Variants in EGR4 observed in about 807,000 individuals in gnomAD.
EGR4 encodes the protein early growth response 4.
In EGR4, 22 loss-of-function variants were observed where a neutral mutation model predicts 25.4. The ratio of observed to expected loss-of-function variants is 0.87; its 90% CI spans 0.62 to 1.24. EGR4 has a LOEUF of 1.24. Among genes scored for constraint, EGR4 ranks in the 50% most tolerant of loss-of-function variants. The probability of loss-of-function intolerance (pLI) is 0.00; values close to 1 mark genes in which losing one functional copy is unlikely to be tolerated. For missense variants in EGR4, 742 were observed against 702.9 expected (o/e 1.06, Z -0.63); for synonymous variants, 375 against 320.1 (o/e 1.17, Z -1.83).
At chr2:73,293,050 C>A in intron 1 of EGR4, 132 bp downstream of exon 1, 2 of 1,029,494 alleles carry the variant, frequency 1.9e-6, no homozygotes. Context: ...GGGGTGCGCA[C>A]CCCAGGACTC....
rs1328432413 is a variant in EGR4 at position 73,291,927 on chromosome 2, C to G, written c.991G>C (p.Asp331His). Residue 331 changes from aspartate (D) to histidine (H), a missense_variant, in exon 2 of 2, where the codon GAC (aspartate) becomes CAC (histidine). By Grantham distance (81) the Asp-to-His change is moderately conservative (BLOSUM62 -1). Coordinates refer to ENST00000436467, the MANE Select transcript of EGR4 (RefSeq NM_001965.4). ...GCCACGCCACTGCTTCCAGGGATGT[C>G]CGCCACCAGAGGTTTAGGGAAGTCC... Reference protein sequence around the residue: ...AADFPKPLVADIPGSSGVAAP... With the variant: ...AADFPKPLVAHIPGSSGVAAP... The G allele has an allele frequency of 6.3e-7, 1 of 1,579,816 alleles. No homozygotes were observed. The highest frequency in any genetic ancestry group is 8.6e-7 in the Non-Finnish European group (1 of 1,164,064).
chr2:73,292,501 C>T lies in EGR4; in HGVS notation c.417G>A (p.Pro139=). The T allele has an allele frequency of 6.6e-7, 1 of 1,516,392 alleles. No individual in the cohort carries two copies. The allele number at this position is 1,516,392 out of a possible 1,614,324, so 93.9% of individuals were successfully genotyped here. ...CCGGGGAGTAAAGGTCCGGCGGACC[C>T]GGCAGCAAGGCATCGGACCCCGCAG... ...PFPAGSDALL[P]GPPDLYSPDL... The change falls in exon 2 of 2, where the codon CCG becomes CCA. Residue 139 remains proline, a synonymous_variant. Coordinates refer to ENST00000436467, the MANE Select transcript of EGR4 (RefSeq NM_001965.4).
rs962761527 is a variant in EGR4, at chr2:73,291,369, A to T, written c.*88T>A. On this transcript the variant is annotated 3_prime_UTR_variant, in exon 2 of 2. Coordinates refer to ENST00000436467, the MANE Select transcript of EGR4 (RefSeq NM_001965.4). ...GAGGCCGGCCCTCGGGCGTGCGAGG[A>T]GGAGTTGGAAGAAGAGCGGGGAGGG... The T allele has an allele frequency of 6.7e-7, 1 of 1,501,404 alleles. No homozygotes were observed. The highest frequency in any genetic ancestry group is 1.4e-5 in the African/African-American group (1 of 71,244). The allele number at this position is 1,501,404 out of a possible 1,614,324, so 93.0% of individuals were successfully genotyped here.
At position 73,293,234 on chromosome 2, in the gene EGR4, T is replaced by C; in HGVS notation, c.84A>G (p.Glu28=). 6.4e-7 allele frequency: 1 copy of C among 1,571,566 alleles called. No individual in the cohort carries two copies. Among genetic ancestry groups the C allele is most frequent in the Non-Finnish European group, 8.6e-7 (1 of 1,160,618 alleles). ...TEGCCAEPSA[E]LPRLPARDAP... ...CGTCCCTGGCAGGCAGCCGGGGCAA[T>C]TCAGCGCTGGGTTCGGCGCAACAGC... Residue 28 remains glutamate (E), a synonymous_variant, in exon 1 of 2, where the codon GAA becomes GAG. Coordinates refer to ENST00000436467, the MANE Select transcript of EGR4 (RefSeq NM_001965.4).
chr2:73,292,726 G>T lies in EGR4; in HGVS notation c.192C>A (p.Ala64=). The stretch of plus-strand genomic sequence containing the variant: ...CAGGCCCCTCCAGGAAGCAGGAGTC[G>T]GCTAAGTCCCCACTTGCGCCGCAGC... ...LNSCGASGDL[A]DSCFLEGPAP... is the part of the protein sequence containing the mutation. Residue 64 remains alanine (A), a synonymous_variant, in exon 2 of 2, where the codon GCC becomes GCA. Coordinates refer to ENST00000436467, the MANE Select transcript of EGR4 (RefSeq NM_001965.4). 1 of 1,481,950 alleles carries T rather than the reference G, an allele frequency of 6.7e-7. No homozygotes were observed. 91.8% of individuals were successfully genotyped at this position (1,481,950 alleles called of 1,614,324 possible).
rs1171826701 is a variant in EGR4, at chr2:73,293,299, ACTCG to A, written c.15_18del (p.Glu6PhefsTer44). Reference sequence around the variant, plus strand: ...ACGAGGAGCGCGTCGGGTTCGGAAAACTCGCTAAGGTGGAGCATGGCGCGGCGCC... The same window carrying A: ...ACGAGGAGCGCGTCGGGTTCGGAAAACTAAGGTGGAGCATGGCGCGGCGCC... On this transcript the variant is annotated frameshift_variant, in exon 1 of 2. Coordinates refer to ENST00000436467, the MANE Select transcript of EGR4 (RefSeq NM_001965.4). LOFTEE classifies it high-confidence loss of function. 5 of 1,587,682 alleles carry A rather than the reference ACTCG, an allele frequency of 3.1e-6. No homozygotes were observed. The highest frequency in any genetic ancestry group is 4.3e-6 in the Non-Finnish European group (5 of 1,169,712).
At position 73,291,819 on chromosome 2, in the gene EGR4, T is replaced by C; in HGVS notation, c.1099A>G (p.Ser367Gly). ...GGCCGCGGGCAGAAGCAGCGCGTGCTGCATTTGCCGCCGCGGCGCCCCTTG... is the reference window on the plus strand; with the variant it reads ...GGCCGCGGGCAGAAGCAGCGCGTGCCGCATTTGCCGCCGCGGCGCCCCTTG... ...RRKGRRGGKCSTRCFCPRPHA... is the reference protein window; with the variant it reads ...RRKGRRGGKCGTRCFCPRPHA... Residue 367 changes from serine (S) to glycine (G), a missense_variant, in exon 2 of 2, where the codon AGC becomes GGC. By Grantham distance (56) the Ser-to-Gly change is moderately conservative (BLOSUM62 0). Transcript: ENST00000436467. 6.3e-7 allele frequency: 1 copy of C among 1,589,684 alleles called. No individual in the cohort carries two copies. Among genetic ancestry groups the C allele is most frequent in the African/African-American group, 1.3e-5 (1 of 74,496 alleles).
Position 73,293,534 on chromosome 2 carries a change from A to T in EGR4, c.-217T>A. 9 of 1,504,200 alleles carry T rather than the reference A, an allele frequency of 6.0e-6. No homozygotes were observed. The highest frequency in any genetic ancestry group is 7.9e-6 in the Non-Finnish European group (9 of 1,132,714). The allele number at this position is 1,504,200 out of a possible 1,614,324, so 93.2% of individuals were successfully genotyped here. On this transcript the variant is annotated 5_prime_UTR_variant, in exon 1 of 2. Transcript: ENST00000436467. ...GGGCGGCGGCTCCTCGCCTCTCCAAAGCGCTGCCGGGCTCCCCCAGCCCAC... is the reference window on the plus strand; with the variant it reads ...GGGCGGCGGCTCCTCGCCTCTCCAATGCGCTGCCGGGCTCCCCCAGCCCAC...
Position 73,291,313 on chromosome 2 carries a change from G to T in EGR4, c.*144C>A. 4.3e-6 allele frequency: 5 copies of T among 1,150,912 alleles called. No individual in the cohort carries two copies. The highest frequency in any genetic ancestry group is 6.0e-6 in the Non-Finnish European group (5 of 829,222). The allele number at this position is 1,150,912 out of a possible 1,614,324, so 71.3% of individuals were successfully genotyped here. Reference sequence around the variant, plus strand: ...TGGTGCTGAATAGGGCGTGTGCGGCGGGCGCTTCAAGGAAACTGGAAGCGG... The same window carrying T: ...TGGTGCTGAATAGGGCGTGTGCGGCTGGCGCTTCAAGGAAACTGGAAGCGG... On this transcript the variant is annotated 3_prime_UTR_variant, in exon 2 of 2. Coordinates refer to ENST00000436467, the MANE Select transcript of EGR4 (RefSeq NM_001965.4).
chr2:73,293,414 C>CACT lies in EGR4; in HGVS notation c.-98_-97insAGT. The CACT allele has an allele frequency of 6.6e-7, 1 of 1,520,626 alleles. No individual in the cohort carries two copies. The highest frequency in any genetic ancestry group is 1.2e-5 in the South Asian group (1 of 80,700). The allele number at this position is 1,520,626 out of a possible 1,614,324, so 94.2% of individuals were successfully genotyped here. Reference sequence around the variant, plus strand: ...CTGGCGGTAGGGGTTCCCCGCAGCGCACAGACCTAGGCGCCCGGGCTCCTG... The same window carrying CACT: ...CTGGCGGTAGGGGTTCCCCGCAGCGCACTACAGACCTAGGCGCCCGGGCTCCTG... On this transcript the variant is annotated 5_prime_UTR_variant, in exon 1 of 2. Coordinates refer to ENST00000436467, the MANE Select transcript of EGR4 (RefSeq NM_001965.4).
At chr2:73,292,874 TAC>T (rs1689140073) in intron 1 of EGR4, 93 bp from the exon 2 acceptor site, 1 of 1,296,922 alleles carries the variant, frequency 7.7e-7, no homozygotes, top group Admixed American at 3.7e-5. Flanking sequence ...CCCACGGATA[TAC>T]ACAAAGTGCC....
Position 73,293,401 on chromosome 2 carries a change from G to T in EGR4, c.-84C>A. On this transcript the variant is annotated 5_prime_UTR_variant, in exon 1 of 2. Transcript: ENST00000436467. Reference sequence around the variant, plus strand: ...GGTGGCGGGGAGGCTGGCGGTAGGGGTTCCCCGCAGCGCACAGACCTAGGC... The same window carrying T: ...GGTGGCGGGGAGGCTGGCGGTAGGGTTTCCCCGCAGCGCACAGACCTAGGC... 2.6e-6 allele frequency: 4 copies of T among 1,510,764 alleles called. No homozygotes were observed. The highest frequency in any genetic ancestry group is 2.5e-5 in the South Asian group (2 of 79,332). The allele number at this position is 1,510,764 out of a possible 1,614,324, so 93.6% of individuals were successfully genotyped here. A position where few individuals can be genotyped will look rare whatever the true frequency, so the allele number is the denominator to read the frequency against.
In EGR4 at chr2:73,291,901, A is replaced by G. The variant is rs1232730323; in HGVS notation, c.1017T>C (p.Ala339=). 6 of 1,574,284 alleles carry G rather than the reference A, an allele frequency of 3.8e-6. No homozygotes were observed. In the East Asian group the frequency reaches 1.2e-4, roughly 31 times the overall value. Residue 339 remains alanine (A), a synonymous_variant, in exon 2 of 2, where the codon GCT becomes GCC. Transcript: ENST00000436467. ...VADIPGSSGV[A]APPVPPPPPT... ...GCGGCGGCGGCGGCACGGGTGGTGC[A>G]GCCACGCCACTGCTTCCAGGGATGT...
Position 73,291,249 on chromosome 2 carries a change from G to A in EGR4, c.*208C>T. ...ACTTCCCCCAAAGCGCGGCTGACAA[G>A]GGTGACAGCGCCTGGACCGCGGGAA... is the stretch of plus-strand genomic sequence containing the variant. On this transcript the variant is annotated 3_prime_UTR_variant, in exon 2 of 2. Transcript: ENST00000436467. The A allele has an allele frequency of 1.5e-6, 1 of 668,940 alleles. No homozygotes were observed. The highest frequency in any genetic ancestry group is 2.2e-5 in the South Asian group (1 of 45,902). 41.4% of individuals were successfully genotyped at this position (668,940 alleles called of 1,614,324 possible). A position where few individuals can be genotyped will look rare whatever the true frequency, so the allele number is the denominator to read the frequency against.
chr2:73,292,097 C>A lies in EGR4; in HGVS notation c.821G>T (p.Gly274Val). ...GAYDAFPLAPGDLGEGAEGLP... is the reference protein window; with the variant it reads ...GAYDAFPLAPVDLGEGAEGLP... ...GCCCTCAGCCCCCTCCCCTAAGTCA[C>A]CCGGGGCCAGCGGGAAAGCGTCATA... The change falls in exon 2 of 2, where the codon GGT (glycine) becomes GTT (valine). Residue 274 changes from glycine (G) to valine (V), a missense_variant. Physicochemically the swap from Gly to Val is moderately radical, Grantham distance 109. Transcript: ENST00000436467. 6.2e-7 allele frequency: 1 copy of A among 1,608,592 alleles called. No individual in the cohort carries two copies. Among genetic ancestry groups the A allele is most frequent in the Admixed American group, 1.7e-5 (1 of 59,566 alleles).
chr2:73,291,665 T>C lies in EGR4; in HGVS notation c.1253A>G (p.Asn418Ser). 3 of 1,611,320 alleles carry C rather than the reference T, an allele frequency of 1.9e-6. No individual in the cohort carries two copies. The highest frequency in any genetic ancestry group is 2.5e-6 in the Non-Finnish European group (3 of 1,179,850). The change falls in exon 2 of 2, where the codon AAC becomes AGC. Residue 418 changes from asparagine (N) to serine (S), a missense_variant. Asn to Ser is a conservative substitution (Grantham distance 46, BLOSUM62 1). Transcript: ENST00000436467. ...GGTGAGGTGGTCGCTGCGGCTGAAG[T>C]TGCGGAGGCAGATGCGGCACTGGAA... The part of the protein sequence containing the change: ...KPFQCRICLR[N>S]FSRSDHLTTH...
Position 73,293,504 on chromosome 2 carries a change from G to A in EGR4, c.-187C>T. 6.7e-7 allele frequency: 1 copy of A among 1,486,384 alleles called. No individual in the cohort carries two copies. The highest frequency in any genetic ancestry group is 1.9e-4 in the Middle Eastern group (1 of 5,240). The allele number at this position is 1,486,384 out of a possible 1,614,324, so 92.1% of individuals were successfully genotyped here. A position where few individuals can be genotyped will look rare whatever the true frequency, so the allele number is the denominator to read the frequency against. On this transcript the variant is annotated 5_prime_UTR_variant, in exon 1 of 2. Transcript: ENST00000436467. ...GCGGCGCCCTCGCTCGCCCGCACCGGCCTCGGGCGGCGGCTCCTCGCCTCT... is the reference window on the plus strand; with the variant it reads ...GCGGCGCCCTCGCTCGCCCGCACCGACCTCGGGCGGCGGCTCCTCGCCTCT...
chr2:73,291,414 CGCGCCGAACGGCG>C lies in EGR4; in HGVS notation c.*30_*42del. 6.5e-7 allele frequency: 1 copy of C among 1,531,026 alleles called. No individual in the cohort carries two copies. The highest frequency in any genetic ancestry group is 8.8e-7 in the Non-Finnish European group (1 of 1,141,058). 94.8% of individuals were successfully genotyped at this position (1,531,026 alleles called of 1,614,324 possible). On this transcript the variant is annotated 3_prime_UTR_variant, in exon 2 of 2. Transcript: ENST00000436467. ...GGAGGGGAACGGCCCGGAACTCGTG[CGCGCCGAACGGCG>C]GCGCCCCAACCCATAAACCCATCTC...
At position 73,292,531 on chromosome 2, in the gene EGR4, A is replaced by G; in HGVS notation, c.387T>C (p.Pro129=). 2 of 1,513,942 alleles carry G rather than the reference A, an allele frequency of 1.3e-6. No individual in the cohort carries two copies. The highest frequency in any genetic ancestry group is 1.4e-5 in the South Asian group (1 of 73,966). 93.8% of individuals were successfully genotyped at this position (1,513,942 alleles called of 1,614,324 possible). A position where few individuals can be genotyped will look rare whatever the true frequency, so the allele number is the denominator to read the frequency against. ...GCAAGGCATCGGACCCCGCAGGAAAAGGGGCATCCAGCGGGGATCTGGACG... is the reference window on the plus strand; with the variant it reads ...GCAAGGCATCGGACCCCGCAGGAAAGGGGGCATCCAGCGGGGATCTGGACG... ...AAASRSPLDA[P]FPAGSDALLP... Residue 129 remains proline (P), a synonymous_variant, in exon 2 of 2, where the codon CCT becomes CCC. Coordinates refer to ENST00000436467, the MANE Select transcript of EGR4 (RefSeq NM_001965.4).
Sources: allele counts gnomAD v4.1 joint callset, GRCh38; gene constraint gnomAD v4.1.1; transcripts MANE v1.5; gene names NCBI Gene and HGNC (gene_info 2026-07-23, HGNC 2026-07-21).